The following ACKR3 variants were observed in gnomAD, a reference collection of about 807,000 sequenced individuals.
ACKR3 encodes C-X-C chemokine receptor type 7.
Under a neutral mutation model 22.4 loss-of-function variants are expected in ACKR3, and 6 were observed. The ratio of observed to expected loss-of-function variants is 0.27; its 90% CI spans 0.15 to 0.53. The LOEUF (loss-of-function observed/expected upper bound fraction) is 0.53. ACKR3 is among the 20% of genes least tolerant of loss of function. The pLI, the probability that ACKR3 is intolerant of heterozygous loss-of-function variation, is 0.96. For missense variants in ACKR3, 396 were observed against 475.2 expected, an observed-to-expected ratio of 0.83 and a Z score of 1.55; for synonymous variants, 209 against 205.2, an observed-to-expected ratio of 1.02 and a Z score of -0.16.
rs1440788914 is a variant in ACKR3, at chr2:236,581,596, A to G, written c.*42A>G. The G allele has an allele frequency of 6.9e-6, 11 of 1,584,216 alleles. No individual in the cohort carries two copies. The highest frequency in any genetic ancestry group is 8.6e-6 in the Non-Finnish European group (10 of 1,163,658). On this transcript the variant is annotated 3_prime_UTR_variant, in exon 2 of 2. Transcript: ENST00000272928. This position sits in a 1 kb window ranked among gnomAD's most constrained non-coding sequence, Gnocchi z 4.4. ...TCTGGGACGGGTTTACTTGTTTTTGAACAGGGTGATGGGCCCTATGGTTTT... is the reference window on the plus strand; with the variant it reads ...TCTGGGACGGGTTTACTTGTTTTTGGACAGGGTGATGGGCCCTATGGTTTT...
chr2:236,543,945 A>G, the ACKR3 span, among the ~76,000 whole-genome samples: 19 of 19,674 alleles, frequency 9.7e-4, no homozygotes, highest in South Asian at 4.9e-3. Flanking sequence ...AGAAGGGTAT[A>G]TATATATATA....
At chr2:236,566,900 C>CT (rs1691195721), upstream of ACKR3, among the ~76,000 whole-genome samples, 2 of 145,126 alleles carry the variant, frequency 1.4e-5, no homozygotes, top group South Asian at 2.2e-4. Flanking sequence ...CTCTCTGTCT[C>CT]TCCCTCTTTC....
At chr2:236,544,150 C>T in the ACKR3 span, among the ~76,000 whole-genome samples, 25 of 151,046 alleles carry the variant, frequency 1.7e-4, no homozygotes, top group East Asian at 1.2e-3. This position sits in a 1 kb window ranked among gnomAD's most constrained non-coding sequence, Gnocchi z 5.0. Flanking sequence ...CCACCATGCC[C>T]GGCTAATTTT....
the ACKR3 span, among the ~76,000 whole-genome samples, chr2:236,549,119 T>G: frequency 2.0e-5 from 3 of 152,228 alleles, no homozygotes; most frequent in Non-Finnish European, 2.9e-5. This position sits in a 1 kb window ranked among gnomAD's most constrained non-coding sequence, Gnocchi z 5.3. Context: ...GATAAGCTCT[T>G]CTCATTTCCA....
intron 1 of ACKR3, among the ~76,000 whole-genome samples, chr2:236,579,739 C>T (rs770789599): frequency 2.6e-5 from 4 of 152,288 alleles, no homozygotes; most frequent in East Asian, 1.9e-4. Flanking sequence ...GGTTGCCCTT[C>T]GTTGAAAACC....
At chr2:236,543,888 G>A in the ACKR3 span, among the ~76,000 whole-genome samples, 5 of 140,612 alleles carry the variant, frequency 3.6e-5, no homozygotes, top group Non-Finnish European at 6.1e-5. Flanking sequence ...AATTGTGCTT[G>A]TTCAATGACA....
At chr2:236,558,037 C>T in the ACKR3 span, among the ~76,000 whole-genome samples, 1 of 152,240 alleles carries the variant, frequency 6.6e-6, no homozygotes, top group Admixed American at 6.5e-5. Context: ...CAACTAAAGG[C>T]ACCACGTGAT....
At chr2:236,537,193 CT>C in the ACKR3 span, among the ~76,000 whole-genome samples, 1 of 152,218 alleles carries the variant, frequency 6.6e-6, no homozygotes, top group African/African-American at 2.4e-5. Flanking sequence ...AAGCGGTCTA[CT>C]AATCCTGATT....
chr2:236,555,071 A>G, the ACKR3 span, among the ~76,000 whole-genome samples: 1 of 152,232 alleles, frequency 6.6e-6, no homozygotes, highest in African/African-American at 2.4e-5. Flanking sequence ...AGGCATCCAC[A>G]GCGGCAGGTG....
the ACKR3 span, among the ~76,000 whole-genome samples, chr2:236,553,034 A>C: frequency 1.3e-5 from 2 of 152,190 alleles, no homozygotes; most frequent in African/African-American, 2.4e-5. Flanking sequence ...CATTTTGTTT[A>C]TCATGTGATA....
At chr2:236,539,645 C>G in the ACKR3 span, among the ~76,000 whole-genome samples, 1 of 152,132 alleles carries the variant, frequency 6.6e-6, no homozygotes, top group Non-Finnish European at 1.5e-5. Flanking sequence ...CATGAGCCAC[C>G]ACATCCAGCC....
intron 1 of ACKR3, among the ~76,000 whole-genome samples, chr2:236,573,862 C>A (rs73131706): frequency 0.013 from 1,949 of 152,316 alleles, 37 homozygotes; most frequent in African/African-American, 0.039. Flanking sequence ...TCCTTGCCCA[C>A]CCTTTAAGGC....
chr2:236,552,478 C>A, the ACKR3 span, among the ~76,000 whole-genome samples: 2 of 152,208 alleles, frequency 1.3e-5, no homozygotes, highest in East Asian at 1.9e-4. Flanking sequence ...GTCTTTCCCC[C>A]CTCCTTTTCA....
At chr2:236,553,144 C>G in the ACKR3 span, among the ~76,000 whole-genome samples, 1 of 152,150 alleles carries the variant, frequency 6.6e-6, no homozygotes, top group South Asian at 2.1e-4. Context: ...CGGTTGGCTG[C>G]TTTGCAGTGC....
At chr2:236,538,547 G>C in the ACKR3 span, among the ~76,000 whole-genome samples, 37 of 150,008 alleles carry the variant, frequency 2.5e-4, no homozygotes, top group Non-Finnish European at 4.4e-4. Context: ...CCCAAGCATG[G>C]AAAGGGGCTG....
the ACKR3 span, among the ~76,000 whole-genome samples, chr2:236,559,888 C>T: frequency 6.6e-6 from 1 of 152,144 alleles, no homozygotes; most frequent in African/African-American, 2.4e-5. Context: ...TTCCTTGCTC[C>T]GTTTGTCCTA....
upstream of ACKR3, among the ~76,000 whole-genome samples, chr2:236,563,929 T>C (rs1485154279): frequency 6.6e-6 from 1 of 152,130 alleles, no homozygotes; most frequent in African/African-American, 2.4e-5. Flanking sequence ...ATCCAGTAGT[T>C]GGAGGATGTA....
the ACKR3 span, among the ~76,000 whole-genome samples, chr2:236,553,716 G>T: frequency 3.3e-5 from 5 of 152,280 alleles, no homozygotes; most frequent in African/African-American, 9.6e-5. Context: ...AGGGGCACCA[G>T]CAAGCCTATG....
At chr2:236,537,481 C>A in the ACKR3 span, among the ~76,000 whole-genome samples, 1 of 152,136 alleles carries the variant, frequency 6.6e-6, no homozygotes, top group Non-Finnish European at 1.5e-5. Flanking sequence ...TTCTAGGAAG[C>A]AGGTTCATCA....
Sources: allele counts gnomAD v4.1 joint callset (sites outside exome capture counted in the v4.1 genomes callset), GRCh38; gene constraint gnomAD v4.1.1; non-coding constraint Gnocchi (gnomAD v3.1); transcripts MANE v1.5; gene names NCBI Gene and HGNC (gene_info 2026-07-23, HGNC 2026-07-21).